RALGAPA2: variants seen among roughly 807,000 people sequenced by gnomAD.
The protein encoded by RALGAPA2 is ral GTPase-activating protein subunit alpha-2.
RALGAPA2 carries 139 observed loss-of-function variants against 230.4 expected under a neutral mutation model. That is an observed-to-expected ratio of 0.60 (90% CI 0.53 to 0.69). RALGAPA2 has a LOEUF of 0.69. RALGAPA2 is among the 30% of genes least tolerant of loss of function. The pLI, the probability that RALGAPA2 is intolerant of heterozygous loss-of-function variation, is 0.00. For missense variants in RALGAPA2, 2,163 were observed against 2,276.0 expected (o/e 0.95, Z 1.01); for synonymous variants, 847 against 837.8 (o/e 1.01, Z -0.19).
intron 20 of RALGAPA2, among the ~76,000 whole-genome samples, chr20:20,573,860 T>C (rs947680629): frequency 6.6e-6 from 1 of 152,272 alleles, no homozygotes. Context: ...GATTTGTTCC[T>C]GTTTTTTGGC....
chr20:20,700,491 G>A (rs6046994), intron 1 of RALGAPA2, among the ~76,000 whole-genome samples: 9,887 of 152,226 alleles, frequency 0.065, 432 homozygotes, highest in East Asian at 0.16. Context: ...CTCACTAGCT[G>A]TAACAGGTCT....
At position 20,536,850 on chromosome 20, in the gene RALGAPA2, C is replaced by A. The variant is rs544002349; in HGVS notation, c.3286-66G>T. ...TAAGTTAGAAACGTTAAATAAGTGA[C>A]ATGTTTTACTCTTCATCCTAGATAA... On this transcript the variant is annotated intron_variant, in intron 24 of 39. Transcript: ENST00000202677. The A allele has an allele frequency of 6.0e-6, 9 of 1,510,948 alleles. No homozygotes were observed. In the South Asian group the frequency reaches 1.1e-4, roughly 18 times the overall value. 93.6% of individuals were successfully genotyped at this position (1,510,948 alleles called of 1,614,324 possible).
intron 23 of RALGAPA2, among the ~76,000 whole-genome samples, chr20:20,564,360 G>A (rs1216953119): frequency 6.6e-6 from 1 of 152,096 alleles, no homozygotes; most frequent in Non-Finnish European, 1.5e-5. Context: ...TCTCCTTTGT[G>A]AGCTGCTTTC....
intron 37 of RALGAPA2, among the ~76,000 whole-genome samples, chr20:20,436,436 C>T (rs2060614263): frequency 6.6e-6 from 1 of 152,238 alleles, no homozygotes; most frequent in Non-Finnish European, 1.5e-5. Flanking sequence ...CGTTACTTAT[C>T]TATTCCTTCT....
chr20:20,684,934 C>A (rs1480096815), intron 1 of RALGAPA2, among the ~76,000 whole-genome samples: 2 of 152,092 alleles, frequency 1.3e-5, no homozygotes, highest in Admixed American at 1.3e-4. Flanking sequence ...AGAATCATTT[C>A]TTGATTTGTC....
intron 38 of RALGAPA2, among the ~76,000 whole-genome samples, chr20:20,401,588 A>AGT (rs1436492557): frequency 1.3e-5 from 2 of 152,290 alleles, no homozygotes; most frequent in East Asian, 3.9e-4. Flanking sequence ...ATACACTGGG[A>AGT]GTGTGTGTGC....
At chr20:20,541,642 G>C (rs1471005721) in intron 24 of RALGAPA2, among the ~76,000 whole-genome samples, 1 of 152,156 alleles carries the variant, frequency 6.6e-6, no homozygotes, top group African/African-American at 2.4e-5. Context: ...CTCAGAATGG[G>C]GTGCAATGTA....
chr20:20,399,190 C>T (rs147962285), intron 38 of RALGAPA2, among the ~76,000 whole-genome samples: 3 of 151,848 alleles, frequency 2.0e-5, no homozygotes, highest in African/African-American at 7.3e-5. Flanking sequence ...ACTAAAAATA[C>T]CAAAAAATCA....
At chr20:20,701,077 C>T (rs77893416) in intron 1 of RALGAPA2, among the ~76,000 whole-genome samples, 496 of 152,248 alleles carry the variant, frequency 3.3e-3, no homozygotes, top group African/African-American at 0.01. Context: ...ATGTCTGCCA[C>T]GTAGTTTGTG....
chr20:20,544,216 T>C (rs2063721775), intron 24 of RALGAPA2, among the ~76,000 whole-genome samples: 1 of 151,788 alleles, frequency 6.6e-6, no homozygotes, highest in Admixed American at 6.6e-5. Context: ...GATCAGGAGA[T>C]TGAGACCATC....
chr20:20,515,153 G>A (rs2145384634), intron 31 of RALGAPA2, among the ~76,000 whole-genome samples: 1 of 152,302 alleles, frequency 6.6e-6, no homozygotes, highest in Non-Finnish European at 1.5e-5. Context: ...AGCTTCTGCT[G>A]GTAAACAAGG....
At chr20:20,620,831 T>C (rs902818062) in intron 10 of RALGAPA2, among the ~76,000 whole-genome samples, 19 of 152,034 alleles carry the variant, frequency 1.2e-4, no homozygotes, top group African/African-American at 4.6e-4. Flanking sequence ...AAGAGAGCCC[T>C]AAAAAATGGC....
intron 26 of RALGAPA2, 139 bp from the exon 27 acceptor site, chr20:20,531,934 G>A (rs2063379302): frequency 8.0e-6 from 6 of 746,682 alleles, no homozygotes; most frequent in Non-Finnish European, 1.3e-5. Context: ...ATGTTTTCTT[G>A]AAAGAAAAGA....
chr20:20,580,095 C>CTA (rs2064942154), intron 20 of RALGAPA2, among the ~76,000 whole-genome samples: 1 of 152,108 alleles, frequency 6.6e-6, no homozygotes, highest in Non-Finnish European at 1.5e-5. Context: ...ATCAGTATTT[C>CTA]TAGACTATAA....
chr20:20,449,369 C>T (rs576954953), intron 37 of RALGAPA2, among the ~76,000 whole-genome samples: 2 of 152,216 alleles, frequency 1.3e-5, no homozygotes, highest in South Asian at 2.1e-4. Context: ...AAATGACAGT[C>T]GGTGGGGCAA....
At chr20:20,707,812 T>G (rs2069667704) in intron 1 of RALGAPA2, among the ~76,000 whole-genome samples, 1 of 151,990 alleles carries the variant, frequency 6.6e-6, no homozygotes, top group African/African-American at 2.4e-5. Flanking sequence ...ACCCCTGGCC[T>G]ATGCAGGACA....
rs2060075185 is a variant in RALGAPA2, at chr20:20,412,138, G to A, written c.5506C>T (p.Arg1836Ter). The A allele has an allele frequency of 1.2e-6, 2 of 1,613,864 alleles. No homozygotes were observed. Among genetic ancestry groups the A allele is most frequent in the Non-Finnish European group, 1.7e-6 (2 of 1,179,812 alleles). The change falls in exon 38 of 40, where the codon CGA (arginine) becomes TGA (stop). Residue 1836 changes from arginine to a stop codon, truncating the protein, a stop_gained. Coordinates refer to ENST00000202677, the MANE Select transcript of RALGAPA2 (RefSeq NM_020343.4). LOFTEE classifies it high-confidence loss of function. The part of the protein sequence containing the change: ...IPLYQSFYEE[R>*]ALYLEAIIQN... ...ATTATTGCTTCGAGATACAGAGCTC[G>A]CTCTTCATAGCTGCGGTAATCGGTT...
intron 2 of RALGAPA2, among the ~76,000 whole-genome samples, chr20:20,678,267 C>T (rs1490742579): frequency 6.6e-6 from 1 of 152,160 alleles, no homozygotes; most frequent in African/African-American, 2.4e-5. Flanking sequence ...CCCTGCACTC[C>T]AATCGAACAC....
chr20:20,424,028 G>A (rs2060330320), intron 37 of RALGAPA2, among the ~76,000 whole-genome samples: 2 of 152,232 alleles, frequency 1.3e-5, no homozygotes, highest in African/African-American at 4.8e-5. Flanking sequence ...GACTTTTGGA[G>A]ATGGTCTGTT....
Sources: allele counts gnomAD v4.1 joint callset (sites outside exome capture counted in the v4.1 genomes callset), GRCh38; gene constraint gnomAD v4.1.1; transcripts MANE v1.5; gene names NCBI Gene and HGNC (gene_info 2026-07-23, HGNC 2026-07-21).